Variants in TENT2 observed in about 807,000 individuals in gnomAD.
TENT2 encodes the protein poly(A) RNA polymerase GLD2.
A neutral mutation model predicts 72.2 loss-of-function variants in TENT2; 44 were observed. That is an observed-to-expected ratio of 0.61 (90% CI 0.48 to 0.78). The LOEUF is 0.78. Among genes scored for constraint, TENT2 ranks in the 30% least tolerant of loss-of-function variants. The pLI is 0.00. For missense variants in TENT2, 541 were observed against 569.6 expected (o/e 0.95, Z 0.51); for synonymous variants, 212 against 192.5 (o/e 1.10, Z -0.84).
At chr5:79,617,587 A>C (rs911229218) in intron 1 of TENT2, 1 of 152,068 alleles carries the variant, frequency 6.6e-6, no homozygotes, top group Admixed American at 6.6e-5. Context: ...GCTTCCCATC[A>C]CTGTCATCTC....
intron 10 of TENT2, among the ~76,000 whole-genome samples, chr5:79,652,055 CTT>C (rs970973043): frequency 2.0e-5 from 3 of 151,992 alleles, no homozygotes; most frequent in Admixed American, 2.0e-4. Context: ...TGGTACAACT[CTT>C]TTAGAAAGCA....
intron 12 of TENT2, among the ~76,000 whole-genome samples, chr5:79,678,639 A>T (rs1819214956): frequency 1.3e-5 from 2 of 152,172 alleles, no homozygotes; most frequent in South Asian, 4.2e-4. Context: ...TTTACTCTTA[A>T]CAGCTGCATC....
chr5:79,632,909 G>A (rs947382508), intron 4 of TENT2, among the ~76,000 whole-genome samples: 7 of 152,136 alleles, frequency 4.6e-5, no homozygotes, highest in Non-Finnish European at 7.4e-5. Context: ...CTTTGGCCAA[G>A]TTCAGGTAAT....
intron 13 of TENT2, among the ~76,000 whole-genome samples, chr5:79,680,159 G>C (rs1439828626): frequency 6.6e-6 from 1 of 152,172 alleles, no homozygotes; most frequent in Non-Finnish European, 1.5e-5. Context: ...GTAGAAAACT[G>C]ACTTCAAGGG....
chr5:79,677,767 A>G (rs891171387), intron 12 of TENT2, among the ~76,000 whole-genome samples: 3 of 152,190 alleles, frequency 2.0e-5, no homozygotes, highest in African/African-American at 7.2e-5. Flanking sequence ...GAAACAATGT[A>G]AGAAAATTGT....
At chr5:79,620,682 C>T (rs1172125757) in intron 3 of TENT2, 3 of 152,218 alleles carry the variant, frequency 2.0e-5, no homozygotes, top group African/African-American at 4.8e-5. Context: ...AAAGACCCCA[C>T]TTTAACTTAG....
intron 1 of TENT2, 142 bp downstream of exon 1, chr5:79,613,217 G>A (rs1452753387): frequency 6.6e-6 from 1 of 152,200 alleles, no homozygotes; most frequent in African/African-American, 2.4e-5. Context: ...TTCTTGTTCA[G>A]CCTTTGTAGA....
chr5:79,647,351 A>C lies in TENT2; in HGVS notation c.822-1266A>C, dbSNP rs1789926069. ...AACTGTGGATATTTTTAAAGCCCTG[A>C]ATTCAATTTTGGAAAAATTTTTAAC... On this transcript the variant is annotated intron_variant, in intron 8 of 14. Transcript: ENST00000453514. Among the ~76,000 whole-genome samples the C allele has an allele frequency of 2.0e-5, 3 of 152,288 alleles. No individual in the cohort carries two copies. The South Asian group carries it at 6.2e-4, about 32-fold the overall frequency.
At chr5:79,665,270 G>A (rs11738224) in intron 11 of TENT2, among the ~76,000 whole-genome samples, 16,802 of 151,974 alleles carry the variant, frequency 0.11, 1,054 homozygotes, top group East Asian at 0.29. Context: ...TTTTAATAAC[G>A]TAAATTTCTG....
At chr5:79,617,699 A>G (rs550877117) in intron 1 of TENT2, 2 of 152,256 alleles carry the variant, frequency 1.3e-5, no homozygotes, top group East Asian at 1.9e-4. Flanking sequence ...GAATGTTTCT[A>G]GTTGCCTTTG....
At position 79,669,016 on chromosome 5, in the gene TENT2, C is replaced by T; in HGVS notation, c.1196C>T (p.Ala399Val). The part of the protein sequence containing the change: ...DLLLGFLKYY[A>V]TEFDWNSQMI... ...TTACTGGGCTTTCTTAAATATTATG[C>T]TACAGAATTTGAGTAAGTAAAACTT... The change falls in exon 12 of 15, where the codon GCT becomes GTT. Residue 399 changes from alanine (A) to valine (V), a missense_variant. By Grantham distance (64) the Ala-to-Val change is moderately conservative (BLOSUM62 0). Transcript: ENST00000453514. 1 of 1,613,508 alleles carries T rather than the reference C, an allele frequency of 6.2e-7. No individual in the cohort carries two copies. Among genetic ancestry groups the T allele is most frequent in the South Asian group, 1.1e-5 (1 of 91,048 alleles).
chr5:79,615,370 G>A (rs6453465), intron 1 of TENT2, among the ~76,000 whole-genome samples: 30,852 of 151,964 alleles, frequency 0.2, 4,617 homozygotes, highest in African/African-American at 0.42. Context: ...ATTTTTTATA[G>A]GTATAAACAA....
intron 4 of TENT2, among the ~76,000 whole-genome samples, chr5:79,625,731 T>A (rs1482719007): frequency 1.3e-5 from 2 of 152,052 alleles, no homozygotes; most frequent in African/African-American, 2.4e-5. Context: ...AATTTTTTTT[T>A]AACCATATTG....
At chr5:79,633,220 CG>C (rs1337139167) in intron 4 of TENT2, among the ~76,000 whole-genome samples, 4 of 152,064 alleles carry the variant, frequency 2.6e-5, no homozygotes, top group Non-Finnish European at 4.4e-5. Context: ...TATAGCTACA[CG>C]TAACAAAGAT....
intron 4 of TENT2, among the ~76,000 whole-genome samples, chr5:79,629,963 G>C (rs1004471928): frequency 6.8e-6 from 1 of 146,718 alleles, no homozygotes; most frequent in Admixed American, 6.9e-5. Flanking sequence ...GTGAAACCCC[G>C]TCTCTACTAA....
intron 4 of TENT2, among the ~76,000 whole-genome samples, chr5:79,624,264 T>C (rs966624966): frequency 1.3e-5 from 2 of 152,182 alleles, no homozygotes; most frequent in Admixed American, 6.5e-5. Flanking sequence ...GAAGAAAATA[T>C]AGCAACTTTG....
chr5:79,634,194 A>G (rs1474737358), intron 4 of TENT2, among the ~76,000 whole-genome samples: 1 of 151,146 alleles, frequency 6.6e-6, no homozygotes, highest in Non-Finnish European at 1.5e-5. Context: ...CCCAGCCAGC[A>G]CTTCACGTGT....
At chr5:79,624,282 C>T (rs142091700) in intron 4 of TENT2, among the ~76,000 whole-genome samples, 53 of 152,298 alleles carry the variant, frequency 3.5e-4, no homozygotes, top group Non-Finnish European at 6.6e-4. Flanking sequence ...TTGTTTTACT[C>T]ATCTTTGGGT....
In TENT2 at chr5:79,679,621, T is replaced by C. The variant is rs1820152523; in HGVS notation, c.1251T>C (p.Ile417=). 1.9e-6 allele frequency: 3 copies of C among 1,603,454 alleles called. No individual in the cohort carries two copies. The African/African-American group carries it at 4.0e-5, about 21-fold the overall frequency. ...TTTCAGTTCGTGAAGCCAAAGCCAT[T>C]CCAAGGCCTGATGGTATTGAATGGA... ...QMISVREAKA[I]PRPDGIEWRN... Residue 417 remains isoleucine (I), a synonymous_variant, in exon 13 of 15, where the codon ATT becomes ATC. Transcript: ENST00000453514.
Sources: gnomAD v4.1 joint callset for allele counts (sites outside exome capture counted in the v4.1 genomes callset) on GRCh38, gnomAD v4.1.1 for gene constraint, MANE v1.5 for transcripts, NCBI Gene and HGNC (gene_info 2026-07-23, HGNC 2026-07-21) for gene names.